NAV3: variants seen among roughly 807,000 people sequenced by gnomAD.
NAV3 encodes neuron navigator 3, also known as pore membrane and/or filament interacting like protein 1.
NAV3 carries 87 observed loss-of-function variants against 244.7 expected under a neutral mutation model. The observed-to-expected ratio is 0.36, with a 90% CI of 0.30 to 0.42. The LOEUF is 0.42. Ranked by LOEUF, NAV3 falls within the 20% of genes least tolerant of loss-of-function variation. The probability of loss-of-function intolerance (pLI) is 1.00; values close to 1 mark genes in which losing one functional copy is unlikely to be tolerated. For synonymous variants in NAV3, 1,126 were observed against 1,042.2 expected (o/e 1.08, Z -1.55); for missense variants, 2,663 against 2,893.3 (o/e 0.92, Z 1.83).
chr12:77,987,827 A>G (rs917416538), intron 5 of NAV3, among the ~76,000 whole-genome samples: 3 of 152,196 alleles, frequency 2.0e-5, no homozygotes, highest in African/African-American at 7.2e-5. Flanking sequence ...TTTGAAATAT[A>G]CATTTGCTAT....
Position 78,180,965 on chromosome 12 carries a change from G to A in NAV3, c.5612G>A (p.Ser1871Asn), listed in dbSNP as rs2139735508. The A allele has an allele frequency of 6.2e-7, 1 of 1,613,204 alleles. No homozygotes were observed. Among genetic ancestry groups the A allele is most frequent in the East Asian group, 2.2e-5 (1 of 44,806 alleles). Residue 1871 changes from serine (S) to asparagine (N), a missense_variant, in exon 30 of 40, where the codon AGC becomes AAC. Ser to Asn is a conservative substitution (Grantham distance 46). Around this residue, in one of 6 missense-constraint regions of NAV3, gnomAD observed 543 missense variants for 672.4 expected, o/e 0.81. Coordinates refer to ENST00000397909, the MANE Select transcript of NAV3 (RefSeq NM_001024383.2). ...ACTCGGCCACCGTCAGAATCCTCAA[G>A]CAGCACCTCCTCTTCATCTTCCAGG... Reference protein sequence around the residue: ...KPTRPPSESSSSTSSSSSRQS... With the variant: ...KPTRPPSESSNSTSSSSSRQS...
At chr12:78,109,816 G>A (rs932320497) in intron 12 of NAV3, among the ~76,000 whole-genome samples, 2 of 151,858 alleles carry the variant, frequency 1.3e-5, no homozygotes, top group African/African-American at 4.8e-5. Context: ...AAGGCCATAT[G>A]TGACAAACTC....
intron 7 of NAV3, among the ~76,000 whole-genome samples, chr12:78,000,731 C>A (rs2136470809): frequency 6.6e-6 from 1 of 150,560 alleles, no homozygotes; most frequent in South Asian, 2.1e-4. Flanking sequence ...TCTCGATCTC[C>A]TGACCTCGTG....
chr12:77,715,840 A>C (rs560231092), intron 2 of NAV3, among the ~76,000 whole-genome samples: 1 of 152,026 alleles, frequency 6.6e-6, no homozygotes, highest in African/African-American at 2.4e-5. Context: ...GTAGCTTTCA[A>C]TCATTGATGC....
rs113455445 is a variant in NAV3, at chr12:77,779,910, G to A, written c.73-160409G>A. ...ATCTTAAACAGTTGAATAGCTACAA[G>A]AAGCAATGCTTGTGGAAGGCACAGT... is the stretch of plus-strand genomic sequence containing the variant. On this transcript the variant is annotated intron_variant, in intron 2 of 8. Coordinates refer to the NAV3 transcript ENST00000550042. 4.2e-3 allele frequency among the ~76,000 whole-genome samples: 643 copies of A among 152,340 alleles called. 5 individuals are homozygous for A. The highest frequency in any genetic ancestry group is 0.014 in the African/African-American group (596 of 41,580).
At chr12:77,932,374 T>TG (rs756328860) in intron 1 of NAV3, among the ~76,000 whole-genome samples, 29 of 152,262 alleles carry the variant, frequency 1.9e-4, no homozygotes, top group Non-Finnish European at 2.6e-4. Flanking sequence ...TGAGCCATTC[T>TG]GGGGGTCTGT....
chr12:78,011,013 A>G (rs1051093195), intron 8 of NAV3: 1 of 152,106 alleles, frequency 6.6e-6, no homozygotes, highest in Non-Finnish European at 1.5e-5. Flanking sequence ...CAGTAATTCA[A>G]TTATCTCTAC....
chr12:77,982,035 T>C (rs1241971273), intron 5 of NAV3, among the ~76,000 whole-genome samples: 1 of 152,210 alleles, frequency 6.6e-6, no homozygotes, highest in African/African-American at 2.4e-5. Flanking sequence ...TGAAGAGTTA[T>C]AAAAACTGAT....
chr12:78,099,674 C>T (rs1024981501), intron 12 of NAV3, among the ~76,000 whole-genome samples: 4 of 151,844 alleles, frequency 2.6e-5, no homozygotes, highest in Admixed American at 6.6e-5. Context: ...TATATAACAG[C>T]ATCTTTAAAA....
intron 7 of NAV3, among the ~76,000 whole-genome samples, chr12:77,998,936 A>G (rs1207263731): frequency 6.6e-6 from 1 of 152,226 alleles, no homozygotes; most frequent in African/African-American, 2.4e-5. Context: ...AGCAGATCCC[A>G]GAGATATTAT....
intron 12 of NAV3, among the ~76,000 whole-genome samples, chr12:78,065,781 G>C (rs141222914): frequency 6.6e-6 from 1 of 152,200 alleles, no homozygotes; most frequent in African/African-American, 2.4e-5. Flanking sequence ...AGAAAGATCA[G>C]ATAGAAGTCA....
intron 12 of NAV3, among the ~76,000 whole-genome samples, chr12:78,062,422 T>C (rs557568516): frequency 7.9e-5 from 12 of 152,122 alleles, no homozygotes; most frequent in Non-Finnish European, 1.8e-4. Context: ...AAAATAGTTT[T>C]CTGGGGTTGT....
intron 3 of NAV3, among the ~76,000 whole-genome samples, chr12:77,960,450 T>TATACACACACAC (rs1195862670): frequency 6.9e-6 from 1 of 144,354 alleles, no homozygotes; most frequent in Admixed American, 7.1e-5. Flanking sequence ...TATATATATA[T>TATACACACACAC]ACACACACAC....
At chr12:77,790,822 T>C (rs1871144974) in intron 2 of NAV3, among the ~76,000 whole-genome samples, 1 of 152,096 alleles carries the variant, frequency 6.6e-6, no homozygotes, top group South Asian at 2.1e-4. Flanking sequence ...AACCAGAGCC[T>C]CTCCTCTCTC....
chr12:78,187,127 A>C (rs1377811550), intron 31 of NAV3, among the ~76,000 whole-genome samples: 2 of 151,910 alleles, frequency 1.3e-5, no homozygotes, highest in Non-Finnish European at 2.9e-5. Flanking sequence ...CAAAAATCAC[A>C]ATTGTCAGCT....
intron 9 of NAV3, chr12:78,037,304 G>T (rs1435501762): frequency 1.4e-6 from 1 of 702,998 alleles, no homozygotes; most frequent in South Asian, 1.5e-5. Context: ...GCTGTTTGCG[G>T]GAAGGGACAG....
At chr12:78,187,695 G>A (rs948727252) in intron 31 of NAV3, among the ~76,000 whole-genome samples, 3 of 151,820 alleles carry the variant, frequency 2.0e-5, no homozygotes, top group East Asian at 3.9e-4. Flanking sequence ...AACCTGTTTT[G>A]TAGGTATGCA....
At chr12:77,923,625 C>G (rs1477547107) in intron 1 of NAV3, among the ~76,000 whole-genome samples, 1 of 151,756 alleles carries the variant, frequency 6.6e-6, no homozygotes, top group Non-Finnish European at 1.5e-5. Flanking sequence ...AATTGTAAAG[C>G]AAAATTAGAA....
At chr12:77,856,139 A>T (rs1438585668) in intron 1 of NAV3, among the ~76,000 whole-genome samples, 1 of 152,310 alleles carries the variant, frequency 6.6e-6, no homozygotes, top group East Asian at 1.9e-4. Flanking sequence ...GAAGATGAGC[A>T]CTATATAACT....
Sources: allele counts gnomAD v4.1 joint callset (sites outside exome capture counted in the v4.1 genomes callset), GRCh38; gene constraint gnomAD v4.1.1; regional missense constraint gnomAD v4.1.1; transcripts MANE v1.5; gene names NCBI Gene and HGNC (gene_info 2026-07-23, HGNC 2026-07-21).